Variants in UBAC2 observed in about 807,000 individuals in gnomAD.
UBAC2 encodes UBA domain containing 2.
In UBAC2, 26 loss-of-function variants were observed where a neutral mutation model predicts 44.0. The observed-to-expected ratio is 0.59, with a 90% CI of 0.43 to 0.82. The LOEUF is 0.82. Among genes scored for constraint, UBAC2 ranks in the 40% least tolerant of loss-of-function variants. UBAC2 has a pLI of 0.00. For synonymous variants in UBAC2, 155 were observed against 154.3 expected (o/e 1.00, Z -0.04); for missense variants, 329 against 419.4 (o/e 0.78, Z 1.88).
At chr13:99,266,980 A>G (rs2043752264) in intron 4 of UBAC2, among the ~76,000 whole-genome samples, 8 of 152,126 alleles carry the variant, frequency 5.3e-5, no homozygotes, top group Admixed American at 5.2e-4. Context: ...CACAATGCCC[A>G]GTTTCTCCCT....
At chr13:99,381,358 G>T (rs1458151801) in intron 8 of UBAC2, among the ~76,000 whole-genome samples, 1 of 152,232 alleles carries the variant, frequency 6.6e-6, no homozygotes, top group Admixed American at 6.5e-5. Context: ...ATTATGAATC[G>T]TCATTTGCCA....
chr13:99,313,932 T>A (rs2044449679), intron 4 of UBAC2, among the ~76,000 whole-genome samples, 165 bp from the exon 5 acceptor site: 1 of 152,224 alleles, frequency 6.6e-6, no homozygotes, highest in Non-Finnish European at 1.5e-5. Context: ...GTTCTATAAG[T>A]ACAAATTATT....
At chr13:99,221,977 T>TTG (rs1386399411) in intron 1 of UBAC2, among the ~76,000 whole-genome samples, 2 of 152,218 alleles carry the variant, frequency 1.3e-5, no homozygotes, top group Non-Finnish European at 2.9e-5. Flanking sequence ...AGTCACAGTT[T>TTG]TGTCTTCTGT....
chr13:99,351,831 C>A (rs2045095221), intron 7 of UBAC2: 1 of 453,498 alleles, frequency 2.2e-6, no homozygotes, highest in East Asian at 7.0e-5. Flanking sequence ...CTCCTCATCT[C>A]ATTGGGCTGC....
rs374388592 is a variant in UBAC2 at position 99,312,628 on chromosome 13, C to T, written c.390-1469C>T. On this transcript the variant is annotated intron_variant, in intron 4 of 8. Transcript: ENST00000403766. Reference sequence around the variant, plus strand: ...TGAAACTGACATAGCTTGGGGGCCACGAGGAGAGCCACCAGCTGCCAGGAG... The same window carrying T: ...TGAAACTGACATAGCTTGGGGGCCATGAGGAGAGCCACCAGCTGCCAGGAG... 2.0e-5 allele frequency among the ~76,000 whole-genome samples: 3 copies of T among 152,130 alleles called. No individual in the cohort carries two copies. In the East Asian group the frequency reaches 5.8e-4, roughly 29 times the overall value.
At chr13:99,284,597 A>T (rs1228445795) in intron 4 of UBAC2, among the ~76,000 whole-genome samples, 3 of 152,230 alleles carry the variant, frequency 2.0e-5, no homozygotes, top group Non-Finnish European at 4.4e-5. Flanking sequence ...AAATACCATG[A>T]GTATGTATTA....
At chr13:99,260,142 T>C (rs1263861065) in intron 4 of UBAC2, among the ~76,000 whole-genome samples, 7 of 152,204 alleles carry the variant, frequency 4.6e-5, no homozygotes, top group Admixed American at 4.6e-4. Flanking sequence ...TAGCTACCTT[T>C]TTCAGGAAGC....
At chr13:99,210,484 T>C (rs1409252365) in intron 1 of UBAC2, among the ~76,000 whole-genome samples, 4 of 150,500 alleles carry the variant, frequency 2.7e-5, no homozygotes, top group Admixed American at 6.6e-5. Flanking sequence ...TTTTCTTTTT[T>C]TTTTTTTTTT....
rs1555321112 is a variant in UBAC2, at chr13:99,232,399, G to GATATAT, written c.32-6023_32-6022insTATATA. 5.1e-4 allele frequency among the ~76,000 whole-genome samples: 56 copies of GATATAT among 109,958 alleles called. 6 individuals carry two copies. The highest frequency in any genetic ancestry group is 1.8e-3 in the East Asian group (6 of 3,402). The allele number at this position is 109,958 out of a possible 152,430, so 72.1% of individuals were successfully genotyped here. Reference sequence around the variant, plus strand: ...AGACCCTGTCCATCCTTAGTTGAGAGATATAGATATATATATATATATTCA... The same window carrying GATATAT: ...AGACCCTGTCCATCCTTAGTTGAGAGATATATATATAGATATATATATATATATTCA... On this transcript the variant is annotated intron_variant, in intron 1 of 8. Coordinates refer to ENST00000403766, the MANE Select transcript of UBAC2 (RefSeq NM_001144072.2).
At chr13:99,279,258 A>T (rs941746843) in intron 4 of UBAC2, among the ~76,000 whole-genome samples, 1 of 152,148 alleles carries the variant, frequency 6.6e-6, no homozygotes, top group African/African-American at 2.4e-5. Flanking sequence ...ATAAATACTT[A>T]AATGCTTGAA....
intron 4 of UBAC2, among the ~76,000 whole-genome samples, chr13:99,310,924 C>T (rs946565478): frequency 6.6e-6 from 1 of 152,162 alleles, no homozygotes; most frequent in African/African-American, 2.4e-5. Flanking sequence ...GATTGGCTCC[C>T]CAAATAGGGT....
chr13:99,259,708 T>C (rs2043628845), intron 4 of UBAC2, among the ~76,000 whole-genome samples: 2 of 152,248 alleles, frequency 1.3e-5, no homozygotes. Flanking sequence ...ATGTTTCAGC[T>C]GGACAGAAAT....
At chr13:99,251,388 C>T (rs1368620565) in intron 4 of UBAC2, among the ~76,000 whole-genome samples, 1 of 152,174 alleles carries the variant, frequency 6.6e-6, no homozygotes, top group Non-Finnish European at 1.5e-5. Context: ...GTTGCTCTGG[C>T]TAGGACTTCT....
chr13:99,238,973 G>A (rs1483326350), intron 2 of UBAC2, among the ~76,000 whole-genome samples: 1 of 152,172 alleles, frequency 6.6e-6, no homozygotes, highest in African/African-American at 2.4e-5. Context: ...TTACAGTGGT[G>A]GTTAAACGAA....
chr13:99,307,454 G>A (rs2044352393), intron 4 of UBAC2: 1 of 151,928 alleles, frequency 6.6e-6, no homozygotes, highest in Non-Finnish European at 1.5e-5. Flanking sequence ...CTCCTTTTAT[G>A]GTGGTGACTT....
chr13:99,228,735 C>G (rs2043140229), intron 1 of UBAC2, among the ~76,000 whole-genome samples: 1 of 152,182 alleles, frequency 6.6e-6, no homozygotes, highest in Admixed American at 6.5e-5. Flanking sequence ...TCATGGTGCT[C>G]TCCTCTACTT....
chr13:99,210,944 A>G (rs1406156829), intron 1 of UBAC2, among the ~76,000 whole-genome samples: 1 of 152,120 alleles, frequency 6.6e-6, no homozygotes, highest in African/African-American at 2.4e-5. Context: ...GCATTCCCCT[A>G]GGATGCTGCA....
intron 8 of UBAC2, among the ~76,000 whole-genome samples, chr13:99,381,468 T>TAGTA (rs1208173428): frequency 6.6e-6 from 1 of 152,056 alleles, no homozygotes; most frequent in East Asian, 1.9e-4. Context: ...GTACTACAGG[T>TAGTA]AGTAGTAAAG....
intron 1 of UBAC2, among the ~76,000 whole-genome samples, chr13:99,225,265 A>T (rs960970862): frequency 3.9e-5 from 6 of 152,208 alleles, no homozygotes. Flanking sequence ...TCTTGCAGAA[A>T]TGAAACTCTG....
Sources: allele counts gnomAD v4.1 joint callset (sites outside exome capture counted in the v4.1 genomes callset), GRCh38; gene constraint gnomAD v4.1.1; transcripts MANE v1.5; gene names NCBI Gene and HGNC (gene_info 2026-07-23, HGNC 2026-07-21).